Variants in SYNCRIP observed in about 807,000 individuals in gnomAD.
The protein encoded by SYNCRIP is synaptotagmin binding cytoplasmic RNA interacting protein, also known as heterogeneous nuclear ribonucleoprotein Q.
SYNCRIP carries 9 observed loss-of-function variants against 68.9 expected under a neutral mutation model. The ratio of observed to expected loss-of-function variants is 0.13; its 90% CI spans 0.08 to 0.23. The LOEUF is 0.23. Ranked by LOEUF, SYNCRIP falls within the 10% of genes least tolerant of loss-of-function variation. The pLI, the probability that SYNCRIP is intolerant of heterozygous loss-of-function variation, is 1.00. For synonymous variants in SYNCRIP, 258 were observed against 254.0 expected (o/e 1.02, Z -0.15); for missense variants, 414 against 770.6 (o/e 0.54, Z 5.48).
chr6:85,641,889 A>T (rs933319594), intron 1 of SYNCRIP, among the ~76,000 whole-genome samples: 6 of 152,270 alleles, frequency 3.9e-5, no homozygotes, highest in Admixed American at 3.3e-4. Flanking sequence ...CGAAGAACAA[A>T]GCGCTCATAC....
At chr6:85,630,583 G>A (rs1318989858) in intron 6 of SYNCRIP, among the ~76,000 whole-genome samples, 3 of 152,102 alleles carry the variant, frequency 2.0e-5, no homozygotes, top group East Asian at 3.9e-4. Context: ...AAATCAACAT[G>A]TCTATTTCCA....
intron 9 of SYNCRIP, 41 bp downstream of exon 9, chr6:85,619,227 T>G (rs184707878): frequency 6.3e-7 from 1 of 1,597,384 alleles, no homozygotes; most frequent in East Asian, 2.2e-5. Context: ...TGACTAAATT[T>G]GTTAGTCTGA....
Position 85,642,458 on chromosome 6 carries a change from C to T in SYNCRIP, c.-13+339G>A, listed in dbSNP as rs575891768. Among the ~76,000 whole-genome samples the T allele has an allele frequency of 2.4e-4, 37 of 152,298 alleles. No individual in the cohort carries two copies. In the East Asian group the frequency reaches 7.0e-3, roughly 29 times the overall value. ...ACCGCCCAAGCTCGCCGCACGGCTGCAGGACAAGACCCACTCCTCTCCGCC... is the reference window on the plus strand; with the variant it reads ...ACCGCCCAAGCTCGCCGCACGGCTGTAGGACAAGACCCACTCCTCTCCGCC... On this transcript the variant is annotated intron_variant, in intron 1 of 10. Transcript: ENST00000369622.
At chr6:85,619,924 A>G (rs572766814) in intron 8 of SYNCRIP, among the ~76,000 whole-genome samples, 1 of 152,250 alleles carries the variant, frequency 6.6e-6, no homozygotes, top group African/African-American at 2.4e-5. Context: ...AAACTTAGAG[A>G]GAGATGTTAA....
intron 6 of SYNCRIP, among the ~76,000 whole-genome samples, chr6:85,629,819 TCAAAA>T (rs927854577): frequency 2.2e-4 from 33 of 149,814 alleles, no homozygotes; most frequent in Non-Finnish European, 3.9e-4. Context: ...GAGATTCATA[TCAAAA>T]CAAAACAAAA....
chr6:85,639,963 G>A (rs1416194292), intron 4 of SYNCRIP, among the ~76,000 whole-genome samples: 1 of 152,084 alleles, frequency 6.6e-6, no homozygotes, highest in Non-Finnish European at 1.5e-5. Context: ...TATTCTAGAG[G>A]TATCATGGGT....
At position 85,614,685 on chromosome 6, in the gene SYNCRIP, C is replaced by T. The variant is rs1805559549; in HGVS notation, c.*71G>A. The stretch of plus-strand genomic sequence containing the variant: ...TGCCAGATGTCACAAATTATAGCGG[C>T]ACCCGTTCAGATTTAGGGTGAGTTT... On this transcript the variant is annotated 3_prime_UTR_variant, in exon 11 of 11. Transcript: ENST00000369622. The T allele has an allele frequency of 1.4e-6, 2 of 1,476,496 alleles. No homozygotes were observed. Among genetic ancestry groups the T allele is most frequent in the Non-Finnish European group, 1.8e-6 (2 of 1,113,924 alleles). The allele number at this position is 1,476,496 out of a possible 1,614,324, so 91.5% of individuals were successfully genotyped here. A position where few individuals can be genotyped will look rare whatever the true frequency, so the allele number is the denominator to read the frequency against.
chr6:85,632,927 C>T (rs1052796372), intron 6 of SYNCRIP, among the ~76,000 whole-genome samples: 1 of 150,220 alleles, frequency 6.7e-6, no homozygotes, highest in Admixed American at 6.6e-5. Context: ...AGAGTGACAA[C>T]CTGTCTCCGA....
In SYNCRIP at chr6:85,622,691, CAAGT is replaced by C. The variant is rs766623184; in HGVS notation, c.803-8_803-5del. On this transcript the variant is annotated splice_polypyrimidine_tract_variant and splice_region_variant and intron_variant, in intron 7 of 10. Transcript: ENST00000369622. Reference sequence around the variant, plus strand: ...AAAATGACGTCTGTAAGACCCTCTGCAAGTAAGCAACCATTCCAGGAAAATTAGA... The same window carrying C: ...AAAATGACGTCTGTAAGACCCTCTGCAAGCAACCATTCCAGGAAAATTAGA... 1.5e-5 allele frequency: 24 copies of C among 1,612,662 alleles called. No homozygotes were observed. The highest frequency in any genetic ancestry group is 1.8e-5 in the Non-Finnish European group (21 of 1,179,086).
rs1805503875 is a variant in SYNCRIP, at chr6:85,614,127, T to C, written c.*629A>G. On this transcript the variant is annotated 3_prime_UTR_variant, in exon 11 of 11. Coordinates refer to ENST00000369622, the MANE Select transcript of SYNCRIP (RefSeq NM_006372.5). ...AGAATTAACAAGGCACAAAACCCTT[T>C]AATTGGCCTTGACATGCTATACAAT... 1 of 985,766 alleles carries C rather than the reference T, an allele frequency of 1.0e-6. No individual in the cohort carries two copies. The highest frequency in any genetic ancestry group is 4.7e-5 in the South Asian group (1 of 21,292). 61.1% of individuals were successfully genotyped at this position (985,766 alleles called of 1,614,324 possible).
chr6:85,640,131 A>T (rs1808957577), intron 4 of SYNCRIP, 90 bp downstream of exon 4: 1 of 843,544 alleles, frequency 1.2e-6, no homozygotes, highest in Non-Finnish European at 2.0e-6. Flanking sequence ...AACATCTAAC[A>T]TACATCCATT....
At chr6:85,626,551 G>A (rs1300206657) in intron 6 of SYNCRIP, among the ~76,000 whole-genome samples, 2 of 152,104 alleles carry the variant, frequency 1.3e-5, no homozygotes, top group East Asian at 3.8e-4. Flanking sequence ...ACTTCTAACA[G>A]AAACTTGAAT....
At chr6:85,613,299 G>A (rs1682816753), downstream of SYNCRIP, among the ~76,000 whole-genome samples, 1 of 152,246 alleles carries the variant, frequency 6.6e-6, no homozygotes, top group South Asian at 2.1e-4. Context: ...CATAAAATAT[G>A]CTGAAAGCAA....
chr6:85,614,240 A>C lies in SYNCRIP; in HGVS notation c.*516T>G. 1.0e-6 allele frequency: 1 copy of C among 985,604 alleles called. No homozygotes were observed. The highest frequency in any genetic ancestry group is 1.2e-6 in the Non-Finnish European group (1 of 829,666). The allele number at this position is 985,604 out of a possible 1,614,324, so 61.1% of individuals were successfully genotyped here. A position where few individuals can be genotyped will look rare whatever the true frequency, so the allele number is the denominator to read the frequency against. On this transcript the variant is annotated 3_prime_UTR_variant, in exon 11 of 11. Coordinates refer to ENST00000369622, the MANE Select transcript of SYNCRIP (RefSeq NM_006372.5). ...ACATTTAGGTGTGAATTTTTTATTG[A>C]AATAAACAACAGCATAAAGAATACA...
chr6:85,636,313 G>T (rs1393130566), intron 6 of SYNCRIP, among the ~76,000 whole-genome samples: 1 of 151,904 alleles, frequency 6.6e-6, no homozygotes, highest in Admixed American at 6.6e-5. Flanking sequence ...GAGCGTGGTG[G>T]CAGGCGCCTA....
intron 10 of SYNCRIP, among the ~76,000 whole-genome samples, chr6:85,616,879 T>C (rs940959622): frequency 6.6e-6 from 1 of 152,140 alleles, no homozygotes; most frequent in East Asian, 1.9e-4. Context: ...AAGGGGGTGC[T>C]ACTGGCATCT....
At chr6:85,634,633 G>C (rs9450307) in intron 6 of SYNCRIP, among the ~76,000 whole-genome samples, 1 of 151,692 alleles carries the variant, frequency 6.6e-6, no homozygotes, top group South Asian at 2.1e-4. Flanking sequence ...TCAGCTAGCT[G>C]AAACTGTGAA....
intron 6 of SYNCRIP, among the ~76,000 whole-genome samples, chr6:85,632,307 T>C (rs952245086): frequency 7.2e-5 from 11 of 152,156 alleles, no homozygotes; most frequent in South Asian, 2.1e-4. Context: ...CTATAAATAA[T>C]GCAAAGGAGG....
At chr6:85,642,148 A>G (rs1385102222) in intron 1 of SYNCRIP, among the ~76,000 whole-genome samples, 1 of 152,178 alleles carries the variant, frequency 6.6e-6, no homozygotes, top group East Asian at 1.9e-4. Context: ...AGAAAGCTGC[A>G]GCAGCACAAT....
Sources: allele counts gnomAD v4.1 joint callset (sites outside exome capture counted in the v4.1 genomes callset), GRCh38; gene constraint gnomAD v4.1.1; transcripts MANE v1.5; gene names NCBI Gene and HGNC (gene_info 2026-07-23, HGNC 2026-07-21).